Variants in DIAPH2 observed in about 807,000 individuals in gnomAD.
DIAPH2 encodes the protein protein diaphanous homolog 2.
DIAPH2 carries 35 observed loss-of-function variants against 92.7 expected under a neutral mutation model. The observed-to-expected ratio is 0.38, with a 90% confidence interval of 0.29 to 0.50. The LOEUF is 0.50. Ranked by LOEUF, DIAPH2 falls within the 20% of genes least tolerant of loss-of-function variation. DIAPH2 has a pLI of 0.94. For synonymous variants in DIAPH2, 301 were observed against 280.4 expected, an observed-to-expected ratio of 1.07 and a Z score of -0.73; for missense variants, 701 against 819.5, an observed-to-expected ratio of 0.86 and a Z score of 1.77.
intron 1 of DIAPH2, among the ~76,000 whole-genome samples, chrX:96,735,292 A>C (rs1312955042): frequency 8.9e-6 from 1 of 112,246 alleles, no homozygotes; most frequent in Non-Finnish European, 1.9e-5. Flanking sequence ...TCCTTTAAAT[A>C]TCCATCAGGA....
intron 26 of DIAPH2, among the ~76,000 whole-genome samples, chrX:97,492,950 T>C (rs1013321948): frequency 8.9e-6 from 1 of 112,760 alleles, no homozygotes; most frequent in Non-Finnish European, 1.9e-5. Context: ...TTTGAAATGT[T>C]TTCCTCCATG....
intron 5 of DIAPH2, chrX:96,884,566 G>C (rs749282673): frequency 3.3e-6 from 4 of 1,210,704 alleles, no homozygotes; most frequent in Admixed American, 2.2e-5. Flanking sequence ...GGCAGAGAAG[G>C]CTTCAAATCA....
intron 4 of DIAPH2, among the ~76,000 whole-genome samples, chrX:96,863,291 C>T (rs1306681572): frequency 2.3e-5 from 2 of 87,081 alleles, no homozygotes; most frequent in African/African-American, 4.3e-5. Flanking sequence ...CTATTTTGTA[C>T]AGCTCCTTTC....
At chrX:96,949,187 T>C (rs1340460499) in intron 15 of DIAPH2, 148 bp downstream of exon 15, 2 of 341,665 alleles carry the variant, frequency 5.9e-6, no homozygotes, top group Non-Finnish European at 1.0e-5. Flanking sequence ...AGATTTTATA[T>C]TCCAGGGCAA....
rs1407794688 is a variant in DIAPH2, at chrX:97,292,986, T to C, written c.2844+45147T>C. On this transcript the variant is annotated intron_variant, in intron 23 of 26. Coordinates refer to ENST00000324765, the MANE Select transcript of DIAPH2 (RefSeq NM_006729.5). ...AACAGACTTACCCACTCAAGCTTATTAAAGCCAGAATTAACTGACAAGTCA... is the reference window on the plus strand; with the variant it reads ...AACAGACTTACCCACTCAAGCTTATCAAAGCCAGAATTAACTGACAAGTCA... Among the ~76,000 whole-genome samples the C allele has an allele frequency of 2.7e-5, 3 of 110,982 alleles. No individual in the cohort carries two copies. The South Asian group carries it at 1.1e-3, about 42-fold the overall frequency.
At chrX:96,730,031 C>T (rs893484624) in intron 1 of DIAPH2, among the ~76,000 whole-genome samples, 2 of 111,801 alleles carry the variant, frequency 1.8e-5, no homozygotes, top group African/African-American at 6.5e-5. Context: ...GCCTCACACA[C>T]CACCACTTGA....
intron 21 of DIAPH2, among the ~76,000 whole-genome samples, chrX:97,129,646 A>G (rs2067124492): frequency 9.0e-6 from 1 of 111,727 alleles, no homozygotes; most frequent in African/African-American, 3.3e-5. Flanking sequence ...TGGTGAGAGT[A>G]TAACTTGCTA....
chrX:97,453,518 C>A (rs1747757451), intron 26 of DIAPH2, among the ~76,000 whole-genome samples: 1 of 110,909 alleles, frequency 9.0e-6, no homozygotes, highest in African/African-American at 3.3e-5. Flanking sequence ...TATTTACATT[C>A]TTTGAACAAA....
At chrX:97,496,738 A>G (rs1209117223) in intron 26 of DIAPH2, among the ~76,000 whole-genome samples, 1 of 95,591 alleles carries the variant, frequency 1.0e-5, no homozygotes, top group African/African-American at 4.0e-5. Flanking sequence ...ATGTCTCACC[A>G]TGTTGGCCAG....
rs572484806 is a variant in DIAPH2, at chrX:97,411,877, A to G, written c.3146-17773A>G. 4.5e-5 allele frequency among the ~76,000 whole-genome samples: 5 copies of G among 111,976 alleles called. No homozygotes were observed. The South Asian group carries it at 1.5e-3, about 34-fold the overall frequency. ...ACTATCCTAAATATATATGCACCCA[A>G]TACAGGAGCACCCAGATTCATAAAG... On this transcript the variant is annotated intron_variant, in intron 25 of 26. Transcript: ENST00000324765.
At chrX:96,902,130 A>G (rs1443273780) in intron 5 of DIAPH2, among the ~76,000 whole-genome samples, 1 of 111,541 alleles carries the variant, frequency 9.0e-6, no homozygotes, top group African/African-American at 3.3e-5. Context: ...GTTTTATTCC[A>G]TTGTGTTCTG....
chrX:97,569,520 G>T (rs1229206109), intron 26 of DIAPH2, among the ~76,000 whole-genome samples: 2 of 111,503 alleles, frequency 1.8e-5, no homozygotes, highest in Non-Finnish European at 3.8e-5. Flanking sequence ...TTCTTCTCTG[G>T]TCTTTGTATA....
chrX:97,346,086 C>G (rs1034421936), intron 23 of DIAPH2, among the ~76,000 whole-genome samples: 3 of 111,376 alleles, frequency 2.7e-5, no homozygotes, highest in Non-Finnish European at 5.7e-5. Context: ...TTTATTCCTT[C>G]AAAATTTTTT....
intron 1 of DIAPH2, among the ~76,000 whole-genome samples, chrX:96,705,341 C>G (rs1220074828): frequency 4.5e-5 from 5 of 110,781 alleles, no homozygotes; most frequent in African/African-American, 6.6e-5. Flanking sequence ...ATAGTGAGAC[C>G]TCAACTCTAA....
At chrX:97,019,375 T>A (rs1366586936) in intron 17 of DIAPH2, among the ~76,000 whole-genome samples, 2 of 111,052 alleles carry the variant, frequency 1.8e-5, no homozygotes, top group Non-Finnish European at 3.8e-5. Context: ...AATCCCTTTG[T>A]TCTTAACCCA....
intron 24 of DIAPH2, among the ~76,000 whole-genome samples, chrX:97,369,021 C>G (rs2069414484): frequency 2.8e-5 from 3 of 107,402 alleles, no homozygotes; most frequent in East Asian, 3.0e-4. Flanking sequence ...GATACTCCTG[C>G]CTTAGCCTCC....
In DIAPH2 at chrX:96,992,782, C is replaced by A. The variant is rs6615880; in HGVS notation, c.2050+27575C>A. On this transcript the variant is annotated intron_variant, in intron 17 of 26. Coordinates refer to ENST00000324765, the MANE Select transcript of DIAPH2 (RefSeq NM_006729.5). ...GGGGTGATGATATGACTAATGCATA[C>A]AGGTAGAATTAACAAGAGACTTTTC... Among the ~76,000 whole-genome samples the A allele has an allele frequency of 2.0e-4, 22 of 112,049 alleles. 1 individual carries two copies. The East Asian group carries it at 6.2e-3, about 31-fold the overall frequency.
rs138802815 is a variant in DIAPH2, at chrX:97,042,890, A to G, written c.2051-30051A>G. Reference sequence around the variant, plus strand: ...CCATTGAAGATACTTTTATTTTTTAAGCAACCTTGGAGTGTAGATTTTAAA... The same window carrying G: ...CCATTGAAGATACTTTTATTTTTTAGGCAACCTTGGAGTGTAGATTTTAAA... On this transcript the variant is annotated intron_variant, in intron 17 of 26. Transcript: ENST00000324765. Among the ~76,000 whole-genome samples, 727 of 112,022 alleles carry G rather than the reference A, an allele frequency of 6.5e-3. 7 individuals are homozygous for G. Among genetic ancestry groups the G allele is most frequent in the African/African-American group, 0.023 (710 of 31,001 alleles).
chrX:97,234,302 G>T (rs987949416), intron 22 of DIAPH2, among the ~76,000 whole-genome samples: 1 of 94,671 alleles, frequency 1.1e-5, no homozygotes, highest in African/African-American at 4.1e-5. Flanking sequence ...TTGCACTCCA[G>T]CCTAGGCAAC....
Sources: gnomAD v4.1 joint callset for allele counts (sites outside exome capture counted in the v4.1 genomes callset) on GRCh38, gnomAD v4.1.1 for gene constraint, MANE v1.5 for transcripts, NCBI Gene and HGNC (gene_info 2026-07-23, HGNC 2026-07-21) for gene names.